FHIT: variants seen among roughly 807,000 people sequenced by gnomAD.
FHIT encodes bis(5'-adenosyl)-triphosphatase.
FHIT carries 19 observed loss-of-function variants against 17.9 expected under a neutral mutation model. The observed-to-expected ratio is 1.06, with a 90% CI of 0.74 to 1.56. FHIT has a LOEUF of 1.56. Ranked by LOEUF, FHIT falls within the 40% of genes most tolerant of loss-of-function variation. The probability of loss-of-function intolerance (pLI) is 0.00; values close to 1 mark genes in which losing one functional copy is unlikely to be tolerated. For missense variants in FHIT, 248 were observed against 189.2 expected (o/e 1.31, Z -1.82); for synonymous variants, 81 against 69.7 (o/e 1.16, Z -0.81).
intron 5 of FHIT, among the ~76,000 whole-genome samples, chr3:60,298,715 T>A (rs532800784): frequency 2.0e-5 from 3 of 152,298 alleles, no homozygotes; most frequent in African/African-American, 7.2e-5. Flanking sequence ...GGAATTGATA[T>A]GATCATGTCA....
chr3:60,326,161 G>C (rs561589533), intron 5 of FHIT, among the ~76,000 whole-genome samples: 26 of 151,982 alleles, frequency 1.7e-4, no homozygotes, highest in Admixed American at 9.2e-4. Context: ...GCTGGCAGGG[G>C]GGTGGTGATG....
intron 5 of FHIT, among the ~76,000 whole-genome samples, chr3:60,499,608 T>C (rs2034441769): frequency 6.6e-6 from 1 of 152,068 alleles, no homozygotes; most frequent in Non-Finnish European, 1.5e-5. Context: ...CTTGATCTCC[T>C]GACCTCGTGA....
At chr3:60,717,763 C>CGGG (rs1553707156) in intron 4 of FHIT, among the ~76,000 whole-genome samples, 5 of 152,128 alleles carry the variant, frequency 3.3e-5, no homozygotes, top group African/African-American at 7.2e-5. Context: ...GCTTGAACTA[C>CGGG]CTAATTAGAA....
rs71629109 is a variant in FHIT, at chr3:60,672,874, CGTGTGTGTGT to C, written c.-17-135905_-17-135896del. ...GGTTTTTAATTATACCTCTTTGTAG[CGTGTGTGTGT>C]GTGTGTGTGTGTGTGTGTGTGTGCA... On this transcript the variant is annotated intron_variant, in intron 4 of 9. Transcript: ENST00000492590. Among the ~76,000 whole-genome samples, 58 of 139,566 alleles carry C rather than the reference CGTGTGTGTGT, an allele frequency of 4.2e-4. 1 individual carries two copies. In the South Asian group the frequency reaches 5.7e-3, roughly 14 times the overall value. The allele number at this position is 139,566 out of a possible 152,430, so 91.6% of individuals were successfully genotyped here. A position where few individuals can be genotyped will look rare whatever the true frequency, so the allele number is the denominator to read the frequency against.
intron 5 of FHIT, among the ~76,000 whole-genome samples, chr3:60,288,574 T>C (rs1169248658): frequency 1.7e-5 from 2 of 115,186 alleles, no homozygotes; most frequent in Admixed American, 1.8e-4. Context: ...ACAGTGTGTG[T>C]GTGTGTGTGT....
At chr3:60,029,905 G>GTGTGTGTGTGTGTC (rs1559562937) in intron 5 of FHIT, among the ~76,000 whole-genome samples, 69 of 147,458 alleles carry the variant, frequency 4.7e-4, no homozygotes, top group African/African-American at 1.7e-3. Context: ...GTCTGTGTGT[G>GTGTGTGTGTGTGTC]TGTGTGTGTG....
At chr3:61,232,986 C>T (rs1041418528) in intron 1 of FHIT, among the ~76,000 whole-genome samples, 1 of 152,054 alleles carries the variant, frequency 6.6e-6, no homozygotes, top group Admixed American at 6.6e-5. Context: ...ATAAAAGTGG[C>T]TACTACCTTA....
intron 4 of FHIT, among the ~76,000 whole-genome samples, chr3:60,581,005 T>C (rs1268955011): frequency 2.6e-5 from 4 of 152,074 alleles, no homozygotes; most frequent in Non-Finnish European, 5.9e-5. Context: ...TGAGATTGCA[T>C]AGTTCTAATA....
chr3:61,211,009 AGTG>A (rs2039448773), intron 1 of FHIT, among the ~76,000 whole-genome samples: 1 of 151,978 alleles, frequency 6.6e-6, no homozygotes, highest in Non-Finnish European at 1.5e-5. Context: ...TAAAAATAAA[AGTG>A]GTGGCTGGCA....
intron 1 of FHIT, among the ~76,000 whole-genome samples, chr3:61,241,963 G>T (rs758327592): frequency 2.0e-5 from 3 of 152,094 alleles, no homozygotes; most frequent in South Asian, 2.1e-4. Context: ...TGTATGGAGT[G>T]AACAGACCAG....
intron 2 of FHIT, among the ~76,000 whole-genome samples, chr3:61,170,387 A>ATT (rs1477591113): frequency 3.9e-5 from 6 of 152,156 alleles, no homozygotes; most frequent in Admixed American, 3.3e-4. Context: ...TTTAACCTTT[A>ATT]TTTTAACTTC....
At chr3:60,873,395 C>A (rs574030292) in intron 3 of FHIT, among the ~76,000 whole-genome samples, 67 of 152,160 alleles carry the variant, frequency 4.4e-4, no homozygotes, top group Non-Finnish European at 7.9e-4. Flanking sequence ...AGCAGTCTTA[C>A]AAAAGTAAGC....
At chr3:60,623,771 G>C (rs782424764) in intron 4 of FHIT, among the ~76,000 whole-genome samples, 1 of 152,132 alleles carries the variant, frequency 6.6e-6, no homozygotes. Flanking sequence ...GTTTCGGCGT[G>C]TCTTCAGGAA....
chr3:60,183,899 C>A (rs1045038714), intron 5 of FHIT, among the ~76,000 whole-genome samples: 18 of 152,096 alleles, frequency 1.2e-4, no homozygotes, highest in Non-Finnish European at 2.4e-4. Flanking sequence ...ATATGCCACA[C>A]CTAGTTTCCA....
At chr3:60,321,971 G>A (rs1206811088) in intron 5 of FHIT, among the ~76,000 whole-genome samples, 3 of 152,190 alleles carry the variant, frequency 2.0e-5, no homozygotes, top group African/African-American at 7.2e-5. Flanking sequence ...ATAGAATCAT[G>A]TTGGGTATTA....
intron 5 of FHIT, among the ~76,000 whole-genome samples, chr3:60,040,879 T>G (rs1343013715): frequency 6.6e-6 from 1 of 152,108 alleles, no homozygotes; most frequent in Non-Finnish European, 1.5e-5. Context: ...GGGTGGCTGA[T>G]CTATACTTCT....
At chr3:60,122,111 TA>T (rs72498196) in intron 5 of FHIT, among the ~76,000 whole-genome samples, 6 of 149,906 alleles carry the variant, frequency 4.0e-5, no homozygotes, top group East Asian at 2.0e-4. Flanking sequence ...AAATTGCAAC[TA>T]AAAAAAAACG....
chr3:61,223,674 A>G (rs972684723), intron 1 of FHIT, among the ~76,000 whole-genome samples: 3 of 152,218 alleles, frequency 2.0e-5, no homozygotes, highest in African/African-American at 7.2e-5. Context: ...ATTTTGCCAG[A>G]TGGTGTATCT....
chr3:60,061,453 T>C (rs758641688), intron 5 of FHIT, among the ~76,000 whole-genome samples: 1 of 152,198 alleles, frequency 6.6e-6, no homozygotes, highest in African/African-American at 2.4e-5. Context: ...TCCTTTTTTA[T>C]GCTCTTTCCC....
Sources: gnomAD v4.1 joint callset for allele counts (sites outside exome capture counted in the v4.1 genomes callset) on GRCh38, gnomAD v4.1.1 for gene constraint, MANE v1.5 for transcripts, NCBI Gene and HGNC (gene_info 2026-07-23, HGNC 2026-07-21) for gene names.